STARD13: variants seen among roughly 807,000 people sequenced by gnomAD.
The protein encoded by STARD13 is stAR-related lipid transfer protein 13.
In STARD13, 62 loss-of-function variants were observed where a neutral mutation model predicts 106.4. That is an observed-to-expected ratio of 0.58 (90% confidence interval 0.48 to 0.72). The LOEUF (loss-of-function observed/expected upper bound fraction) is 0.72, where lower values mean the gene tolerates loss of function less well. Ranked by LOEUF, STARD13 falls within the 30% of genes least tolerant of loss-of-function variation. STARD13 has a pLI of 0.00. For synonymous variants in STARD13, 565 were observed against 553.0 expected (o/e 1.02, Z -0.31); for missense variants, 1,387 against 1,424.0 (o/e 0.97, Z 0.42).
At chr13:33,638,726 T>C in the STARD13 span, among the ~76,000 whole-genome samples, 1 of 152,226 alleles carries the variant, frequency 6.6e-6, no homozygotes, top group African/African-American at 2.4e-5. Flanking sequence ...TAATGAGGCA[T>C]GTCTGACCCG....
chr13:33,415,807 G>A, the STARD13 span, among the ~76,000 whole-genome samples: 28 of 152,250 alleles, frequency 1.8e-4, 3 homozygotes, highest in South Asian at 2.1e-3. Flanking sequence ...AAAACTAAGC[G>A]AGAGATAGTC....
the STARD13 span, among the ~76,000 whole-genome samples, chr13:33,639,674 C>G: frequency 6.6e-6 from 1 of 152,222 alleles, no homozygotes; most frequent in African/African-American, 2.4e-5. Context: ...AACAGACTGT[C>G]ACTTACTCCT....
the STARD13 span, among the ~76,000 whole-genome samples, chr13:33,398,789 A>G: frequency 6.6e-6 from 1 of 152,202 alleles, no homozygotes; most frequent in African/African-American, 2.4e-5. Flanking sequence ...CACAACTGGA[A>G]CCCTCATACA....
chr13:33,374,311 C>G, the STARD13 span, among the ~76,000 whole-genome samples: 1 of 152,012 alleles, frequency 6.6e-6, no homozygotes, highest in Non-Finnish European at 1.5e-5. Flanking sequence ...TTAATGAGTA[C>G]AAGTTTTAGT....
intron 1 of STARD13, among the ~76,000 whole-genome samples, chr13:33,207,376 A>G (rs556263285): frequency 1.3e-5 from 2 of 152,318 alleles, no homozygotes; most frequent in African/African-American, 2.4e-5. Context: ...GAAAAACACA[A>G]CTGGAGTCTG....
At chr13:33,444,189 A>G in the STARD13 span, among the ~76,000 whole-genome samples, 1 of 152,182 alleles carries the variant, frequency 6.6e-6, no homozygotes, top group Non-Finnish European at 1.5e-5. Context: ...GTATATAGAT[A>G]CACACATTTC....
chr13:33,121,559 C>T lies in STARD13; in HGVS notation c.2083-3296G>A, dbSNP rs1340325521. Among the ~76,000 whole-genome samples the T allele has an allele frequency of 2.2e-5, 3 of 139,410 alleles. No homozygotes were observed. The East Asian group carries it at 6.3e-4, about 29-fold the overall frequency. The allele number at this position is 139,410 out of a possible 152,430, so 91.5% of individuals were successfully genotyped here. A position where few individuals can be genotyped will look rare whatever the true frequency, so the allele number is the denominator to read the frequency against. On this transcript the variant is annotated intron_variant, in intron 7 of 13. Transcript: ENST00000336934. ...CTCTAGCCTGGGCAACAGAGCCAGA[C>T]TCCACCTCAAAAAAAAAAAAAAAAA...
At chr13:33,634,635 C>T in the STARD13 span, among the ~76,000 whole-genome samples, 3 of 152,172 alleles carry the variant, frequency 2.0e-5, no homozygotes, top group Non-Finnish European at 4.4e-5. Context: ...CACTACACTG[C>T]TTCTATGTTG....
At chr13:33,397,306 G>T in the STARD13 span, among the ~76,000 whole-genome samples, 2 of 152,134 alleles carry the variant, frequency 1.3e-5, no homozygotes, top group Non-Finnish European at 2.9e-5. Context: ...GGAGCAAGGG[G>T]CAGGCACACT....
At chr13:33,313,363 C>CCATTTGTAT (rs2138506928) in intron 1 of STARD13, among the ~76,000 whole-genome samples, 1 of 152,284 alleles carries the variant, frequency 6.6e-6, no homozygotes, top group African/African-American at 2.4e-5. Flanking sequence ...TTAAATATTT[C>CCATTTGTAT]CATTTGTATG....
the STARD13 span, among the ~76,000 whole-genome samples, chr13:33,458,168 G>A: frequency 4.6e-5 from 7 of 152,106 alleles, no homozygotes; most frequent in South Asian, 8.3e-4. Context: ...AGAAGGGGAC[G>A]TTGGAGAAGG....
chr13:33,546,608 T>C, the STARD13 span, among the ~76,000 whole-genome samples: 1 of 152,116 alleles, frequency 6.6e-6, no homozygotes, highest in East Asian at 1.9e-4. Context: ...CCATGCTCCC[T>C]TGTGATGAGC....
chr13:33,280,861 G>C (rs1342545426), intron 1 of STARD13: 1 of 152,094 alleles, frequency 6.6e-6, no homozygotes, highest in Non-Finnish European at 1.5e-5. Flanking sequence ...ATGGAAGAAG[G>C]GAAAAAGGTC....
the STARD13 span, among the ~76,000 whole-genome samples, chr13:33,363,324 T>G: frequency 1.1e-4 from 17 of 152,346 alleles, no homozygotes; most frequent in East Asian, 3.1e-3. Context: ...AGTTATTCCA[T>G]GCCTATCTGG....
chr13:33,134,362 C>T (rs1209421341), intron 4 of STARD13, among the ~76,000 whole-genome samples: 1 of 152,216 alleles, frequency 6.6e-6, no homozygotes, highest in Non-Finnish European at 1.5e-5. Flanking sequence ...CTGTCCTGGG[C>T]CACATATAGC....
chr13:33,566,527 A>T, the STARD13 span, among the ~76,000 whole-genome samples: 2 of 148,230 alleles, frequency 1.3e-5, no homozygotes, highest in Admixed American at 1.4e-4. Context: ...CTTTCATTAT[A>T]ATCATAGTAC....
At chr13:33,339,744 A>G (rs372986212) in intron 1 of STARD13, among the ~76,000 whole-genome samples, 21 of 152,344 alleles carry the variant, frequency 1.4e-4, no homozygotes, top group African/African-American at 4.8e-4. Flanking sequence ...TGTAACAATA[A>G]GTTCTCTTTT....
the STARD13 span, among the ~76,000 whole-genome samples, chr13:33,528,420 C>T: frequency 1.8e-4 from 27 of 150,838 alleles, no homozygotes; most frequent in African/African-American, 5.4e-4. Context: ...TAGGGTGTGC[C>T]ACCATGGCTG....
At chr13:33,449,993 G>T in the STARD13 span, among the ~76,000 whole-genome samples, 1 of 151,986 alleles carries the variant, frequency 6.6e-6, no homozygotes, top group Non-Finnish European at 1.5e-5. Flanking sequence ...TGTGAAGTAC[G>T]GGGTTTTCTA....
Sources: gnomAD v4.1 joint callset for allele counts (sites outside exome capture counted in the v4.1 genomes callset) on GRCh38, gnomAD v4.1.1 for gene constraint, MANE v1.5 for transcripts, NCBI Gene and HGNC (gene_info 2026-07-23, HGNC 2026-07-21) for gene names.